Variants in WDPCP observed in about 807,000 individuals in gnomAD.
WDPCP encodes the protein WD repeat containing planar cell polarity effector.
WDPCP carries 71 observed loss-of-function variants against 93.1 expected under a neutral mutation model. That is an observed-to-expected ratio of 0.76 (90% CI 0.63 to 0.93). The LOEUF is 0.93. WDPCP is among the 40% of genes least tolerant of loss of function. The pLI, the probability that WDPCP is intolerant of heterozygous loss-of-function variation, is 0.00. For synonymous variants in WDPCP, 315 were observed against 315.0 expected (o/e 1.00, Z 0.00); for missense variants, 844 against 887.4 (o/e 0.95, Z 0.62).
chr2:63,363,598 AATAT>A (rs1373505614), intron 12 of WDPCP, among the ~76,000 whole-genome samples: 4 of 152,136 alleles, frequency 2.6e-5, no homozygotes, highest in African/African-American at 9.7e-5. Context: ...TGTCTCAAAA[AATAT>A]ATAGAGTATT....
intron 2 of WDPCP, among the ~76,000 whole-genome samples, chr2:63,812,100 A>G (rs550403049): frequency 6.6e-6 from 1 of 152,200 alleles, no homozygotes; most frequent in East Asian, 1.9e-4. Context: ...CCTGGGCTCA[A>G]ATGATCCTCC....
At chr2:63,491,221 T>C (rs1378573988) in intron 2 of WDPCP, among the ~76,000 whole-genome samples, 1 of 152,190 alleles carries the variant, frequency 6.6e-6, no homozygotes, top group Non-Finnish European at 1.5e-5. Flanking sequence ...TTTTCCCCCC[T>C]TCCTACATTA....
intron 14 of WDPCP, among the ~76,000 whole-genome samples, chr2:63,213,825 C>T (rs1677060780): frequency 6.6e-6 from 1 of 152,134 alleles, no homozygotes; most frequent in Non-Finnish European, 1.5e-5. Flanking sequence ...AAACTACCCT[C>T]AGAGAATACT....
At chr2:63,717,301 G>T in intron 2 of WDPCP, 2 of 538,756 alleles carry the variant, frequency 3.7e-6, no homozygotes, top group Non-Finnish European at 7.4e-6. Flanking sequence ...CAAGATGGTG[G>T]CAGGCCAAAT....
chr2:63,754,403 G>C (rs1450891391), intron 2 of WDPCP, among the ~76,000 whole-genome samples: 3 of 152,178 alleles, frequency 2.0e-5, no homozygotes, highest in African/African-American at 7.2e-5. Flanking sequence ...TGGGGGAAGT[G>C]CTTTGAATAT....
intron 3 of WDPCP, chr2:63,643,088 T>C (rs1558873735): frequency 6.4e-6 from 1 of 155,422 alleles, no homozygotes; most frequent in Non-Finnish European, 1.4e-5. Context: ...AATGATCATA[T>C]GGTTTTAGGC....
intron 13 of WDPCP, among the ~76,000 whole-genome samples, chr2:63,290,491 A>C (rs1446248353): frequency 6.9e-6 from 1 of 144,488 alleles, no homozygotes; most frequent in African/African-American, 2.6e-5. Flanking sequence ...AATATTAGTC[A>C]CATGCTTATG....
At chr2:63,225,191 C>T (rs1678182378) in intron 14 of WDPCP, among the ~76,000 whole-genome samples, 1 of 151,862 alleles carries the variant, frequency 6.6e-6, no homozygotes, top group South Asian at 2.1e-4. Flanking sequence ...ATATGAAGAA[C>T]TCTTGGAAAG....
chr2:63,517,930 C>T (rs1311700126), intron 1 of WDPCP: 2 of 152,162 alleles, frequency 1.3e-5, no homozygotes, highest in Non-Finnish European at 2.9e-5. Context: ...TCTGTCTTGC[C>T]CAGACTGGAG....
At chr2:63,313,567 T>G (rs1489589147) in intron 12 of WDPCP, among the ~76,000 whole-genome samples, 1 of 152,124 alleles carries the variant, frequency 6.6e-6, no homozygotes, top group African/African-American at 2.4e-5. Context: ...TAGACACTGC[T>G]GACTATGATA....
intron 12 of WDPCP, among the ~76,000 whole-genome samples, chr2:63,358,375 C>G (rs1052594244): frequency 1.3e-5 from 2 of 151,840 alleles, no homozygotes; most frequent in African/African-American, 4.8e-5. Flanking sequence ...AAAATGTTTT[C>G]TAGTAATTGT....
intron 2 of WDPCP, among the ~76,000 whole-genome samples, chr2:63,707,595 G>T (rs1045649748): frequency 6.6e-6 from 1 of 152,158 alleles, no homozygotes; most frequent in East Asian, 1.9e-4. Context: ...GCTCAGAATA[G>T]TTTGATCTTC....
chr2:63,342,788 C>G (rs1041267571), intron 12 of WDPCP, among the ~76,000 whole-genome samples: 24 of 152,198 alleles, frequency 1.6e-4, no homozygotes, highest in Admixed American at 7.9e-4. Context: ...GTAGTATTGT[C>G]TTTTATATTT....
intron 10 of WDPCP, among the ~76,000 whole-genome samples, chr2:63,395,479 GC>G (rs1390047789): frequency 6.6e-6 from 1 of 152,102 alleles, no homozygotes; most frequent in Non-Finnish European, 1.5e-5. Flanking sequence ...ATGAGAATGT[GC>G]AGTTTTTGAC....
chr2:63,569,650 T>C (rs571250577), intron 1 of WDPCP, among the ~76,000 whole-genome samples: 1 of 152,302 alleles, frequency 6.6e-6, no homozygotes, highest in African/African-American at 2.4e-5. Context: ...CTCACAAACA[T>C]TTGCTAACTC....
At chr2:63,492,778 C>CTCG in intron 2 of WDPCP, 78 bp downstream of exon 2, 1 of 1,334,808 alleles carries the variant, frequency 7.5e-7, no homozygotes, top group South Asian at 1.2e-5. Context: ...AGAATTCAGG[C>CTCG]TCTAACCTTT....
chr2:63,156,828 C>T (rs1224544270), intron 15 of WDPCP, among the ~76,000 whole-genome samples: 1 of 152,120 alleles, frequency 6.6e-6, no homozygotes, highest in Non-Finnish European at 1.5e-5. Context: ...GTTGTAGGAA[C>T]CATTTTGTCT....
chr2:63,259,539 T>G (rs1681439173), intron 13 of WDPCP, 130 bp from the exon 14 acceptor site: 1 of 808,794 alleles, frequency 1.2e-6, no homozygotes, highest in Non-Finnish European at 1.9e-6. Context: ...TTTTCTGTGT[T>G]TTAAGTTTCT....
chr2:63,312,127 C>T (rs1365705951), intron 13 of WDPCP, among the ~76,000 whole-genome samples: 6 of 152,076 alleles, frequency 3.9e-5, no homozygotes, highest in African/African-American at 1.4e-4. Flanking sequence ...TCAGACATCA[C>T]AAAATGCAGA....
Sources: gnomAD v4.1 joint callset for allele counts (sites outside exome capture counted in the v4.1 genomes callset) on GRCh38, gnomAD v4.1.1 for gene constraint, MANE v1.5 for transcripts, NCBI Gene and HGNC (gene_info 2026-07-23, HGNC 2026-07-21) for gene names.